OXR1: variants seen among roughly 807,000 people sequenced by gnomAD.
The protein encoded by OXR1 is oxidation resistance 1.
In OXR1, 41 loss-of-function variants were observed where a neutral mutation model predicts 104.6. That is an observed-to-expected ratio of 0.39 (90% CI 0.31 to 0.51). The LOEUF (loss-of-function observed/expected upper bound fraction) is 0.51, where lower values mean the gene tolerates loss of function less well. Ranked by LOEUF, OXR1 falls within the 20% of genes least tolerant of loss-of-function variation. The pLI is 0.77. For synonymous variants in OXR1, 348 were observed against 348.4 expected, an observed-to-expected ratio of 1.00 and a Z score of 0.01; for missense variants, 955 against 1,031.9, an observed-to-expected ratio of 0.93 and a Z score of 1.02.
At chr8:106,302,088 TG>T (rs1326839657) in intron 1 of OXR1, among the ~76,000 whole-genome samples, 1 of 152,068 alleles carries the variant, frequency 6.6e-6, no homozygotes, top group Non-Finnish European at 1.5e-5. Context: ...CACCTGGGAG[TG>T]TTGGCCTCCT....
At chr8:106,723,994 C>T (rs1044930135) in intron 11 of OXR1, among the ~76,000 whole-genome samples, 3 of 151,710 alleles carry the variant, frequency 2.0e-5, no homozygotes, top group African/African-American at 7.3e-5. Flanking sequence ...CTGTGTTGCC[C>T]ACGCTGGTCT....
chr8:106,537,539 G>T (rs1313210280), intron 3 of OXR1, among the ~76,000 whole-genome samples: 3 of 152,168 alleles, frequency 2.0e-5, no homozygotes, highest in Admixed American at 6.5e-5. Flanking sequence ...TCCTAGGGTT[G>T]GGGGCTGGGG....
chr8:106,418,808 G>A (rs927133350), intron 2 of OXR1, among the ~76,000 whole-genome samples: 8 of 152,036 alleles, frequency 5.3e-5, no homozygotes, highest in African/African-American at 1.7e-4. Flanking sequence ...TTCTGTTCAT[G>A]TATCCACAAA....
At chr8:106,731,785 C>T (rs144208245) in intron 11 of OXR1, among the ~76,000 whole-genome samples, 185 of 152,270 alleles carry the variant, frequency 1.2e-3, no homozygotes, top group African/African-American at 4.1e-3. Context: ...GTATTGATTA[C>T]TGTAGCTTTA....
At position 106,464,784 on chromosome 8, in the gene OXR1, C is replaced by T. The variant is rs560030945; in HGVS notation, c.24-54159C>T. On this transcript the variant is annotated intron_variant, in intron 2 of 16. Transcript: ENST00000517566. The stretch of plus-strand genomic sequence containing the variant: ...TTATTTGATGAGTATTTATTGAGCA[C>T]GAAGCATATCTCGGGCTTCATTACG... Among the ~76,000 whole-genome samples, 9 of 152,080 alleles carry T rather than the reference C, an allele frequency of 5.9e-5. No homozygotes were observed. In the South Asian group the frequency reaches 1.7e-3, roughly 28 times the overall value.
intron 1 of OXR1, among the ~76,000 whole-genome samples, chr8:106,300,648 G>A (rs1813195319): frequency 6.6e-6 from 1 of 152,110 alleles, no homozygotes; most frequent in Admixed American, 6.5e-5. Context: ...ACTCATGTGT[G>A]GCATAAGGAC....
chr8:106,474,784 C>A (rs1260398932), intron 2 of OXR1, among the ~76,000 whole-genome samples: 1 of 151,814 alleles, frequency 6.6e-6, no homozygotes, highest in African/African-American at 2.4e-5. Context: ...TGATTTTATT[C>A]AATTACTTAG....
At chr8:106,702,668 A>G (rs1272734139) in intron 7 of OXR1, among the ~76,000 whole-genome samples, 2 of 152,110 alleles carry the variant, frequency 1.3e-5, no homozygotes, top group African/African-American at 4.8e-5. Context: ...CAGTTTGCAC[A>G]TTTTATTTCC....
At chr8:106,535,074 T>C (rs970199097) in intron 3 of OXR1, among the ~76,000 whole-genome samples, 1 of 152,176 alleles carries the variant, frequency 6.6e-6, no homozygotes, top group South Asian at 2.1e-4. Flanking sequence ...ACCATTCTCC[T>C]GCCTCAGCCC....
At chr8:106,628,595 A>G (rs1330759278) in intron 3 of OXR1, among the ~76,000 whole-genome samples, 1 of 152,194 alleles carries the variant, frequency 6.6e-6, no homozygotes, top group Non-Finnish European at 1.5e-5. Flanking sequence ...AACCATTACT[A>G]TAAAACTTAC....
rs141065418 is a variant in OXR1, at chr8:106,707,609, C to T, written c.1624+464C>T. 361 of 183,068 alleles carry T rather than the reference C, an allele frequency of 2.0e-3. 1 individual carries two copies. Among genetic ancestry groups the T allele is most frequent in the African/African-American group, 7.9e-3 (337 of 42,574 alleles). 11.3% of individuals were successfully genotyped at this position (183,068 alleles called of 1,614,324 possible). On this transcript the variant is annotated intron_variant, in intron 9 of 16. Transcript: ENST00000517566. ...GTACTTACAGAATTCTTCCACGTAT[C>T]GAGAAGTTTCATCATCATCATCTAA...
intron 3 of OXR1, chr8:106,658,019 T>C (rs1825312675): frequency 8.0e-7 from 1 of 1,245,764 alleles, no homozygotes; most frequent in Non-Finnish European, 1.0e-6. Flanking sequence ...CCGAGAAGAG[T>C]GGGCGCCTTC....
chr8:106,499,201 G>T (rs998871803), intron 2 of OXR1, among the ~76,000 whole-genome samples: 1 of 151,534 alleles, frequency 6.6e-6, no homozygotes, highest in African/African-American at 2.4e-5. Context: ...AAAGAATTAG[G>T]AGATGTTTAA....
At chr8:106,688,062 C>T (rs891564052) in intron 6 of OXR1, among the ~76,000 whole-genome samples, 4 of 152,152 alleles carry the variant, frequency 2.6e-5, no homozygotes, top group Non-Finnish European at 5.9e-5. Flanking sequence ...CTTTAAATCT[C>T]TCATTTTTTG....
intron 2 of OXR1, among the ~76,000 whole-genome samples, chr8:106,496,193 G>C (rs910955096): frequency 1.3e-5 from 2 of 151,934 alleles, no homozygotes; most frequent in Non-Finnish European, 2.9e-5. Context: ...CTAATCCCTG[G>C]ACCAATAATA....
Position 106,683,322 on chromosome 8 carries a change from T to TA in OXR1, c.411+18dup, listed in dbSNP as rs773013626. The TA allele has an allele frequency of 3.4e-6, 4 of 1,173,504 alleles. No homozygotes were observed. Among genetic ancestry groups the TA allele is most frequent in the Non-Finnish European group, 5.1e-6 (4 of 780,524 alleles). The allele number at this position is 1,173,504 out of a possible 1,614,324, so 72.7% of individuals were successfully genotyped here. A position where few individuals can be genotyped will look rare whatever the true frequency, so the allele number is the denominator to read the frequency against. On this transcript the variant is annotated intron_variant, in intron 5 of 16. Coordinates refer to ENST00000517566, the MANE Select transcript of OXR1 (RefSeq NM_001198533.2). ...TACTGGACAGGTAGTATCTTTTTTT[T>TA]AATGTGCTGATGTTTAGAAACATTA...
chr8:106,480,840 A>G (rs75945452), intron 2 of OXR1, among the ~76,000 whole-genome samples: 4,769 of 152,020 alleles, frequency 0.031, 116 homozygotes, highest in Middle Eastern at 0.092. Context: ...TTTAATGTAC[A>G]TGAAAAAACT....
At chr8:106,611,587 T>C (rs1017472962) in intron 3 of OXR1, among the ~76,000 whole-genome samples, 7 of 152,186 alleles carry the variant, frequency 4.6e-5, no homozygotes, top group African/African-American at 1.7e-4. Context: ...AGAAGGGTGA[T>C]GTCAGAAAGG....
intron 12 of OXR1, among the ~76,000 whole-genome samples, chr8:106,739,119 C>CACACACACACACACACACAG (rs1457023216): frequency 7.0e-6 from 1 of 142,108 alleles, no homozygotes; most frequent in East Asian, 2.1e-4. Context: ...CACACACACA[C>CACACACACACACACACACAG]AGCGCAAGCC....
Sources: gnomAD v4.1 joint callset for allele counts (sites outside exome capture counted in the v4.1 genomes callset) on GRCh38, gnomAD v4.1.1 for gene constraint, MANE v1.5 for transcripts, NCBI Gene and HGNC (gene_info 2026-07-23, HGNC 2026-07-21) for gene names.